Variants in HHLA2 observed in about 807,000 individuals in gnomAD.
HHLA2 encodes HERV-H LTR-associating protein 2.
A neutral mutation model predicts 45.9 loss-of-function variants in HHLA2; 48 were observed. The ratio of observed to expected loss-of-function variants is 1.05; its 90% CI spans 0.83 to 1.33. HHLA2 has a LOEUF of 1.33. Among genes scored for constraint, HHLA2 ranks in the 40% most tolerant of loss-of-function variants. The pLI, the probability that HHLA2 is intolerant of heterozygous loss-of-function variation, is 0.00. For synonymous variants in HHLA2, 161 were observed against 173.9 expected, an observed-to-expected ratio of 0.93 and a Z score of 0.59; for missense variants, 462 against 494.3, an observed-to-expected ratio of 0.93 and a Z score of 0.62.
At chr3:108,371,956 C>G (rs2082183457) in intron 8 of HHLA2, among the ~76,000 whole-genome samples, 1 of 152,212 alleles carries the variant, frequency 6.6e-6, no homozygotes, top group Non-Finnish European at 1.5e-5. Context: ...GAATTGAACT[C>G]AGCTCTGCAC....
intron 8 of HHLA2, among the ~76,000 whole-genome samples, chr3:108,374,631 A>G (rs1331086540): frequency 6.6e-6 from 1 of 151,798 alleles, no homozygotes; most frequent in South Asian, 2.1e-4. Context: ...ACAAATTTAC[A>G]AGAAAAAAAC....
chr3:108,314,107 G>T (rs1188660109), intron 2 of HHLA2, among the ~76,000 whole-genome samples: 1 of 151,924 alleles, frequency 6.6e-6, no homozygotes, highest in East Asian at 1.9e-4. Context: ...CTTTACTTCT[G>T]CTGTGTGGAG....
At position 108,346,629 on chromosome 3, in the gene HHLA2, C is replaced by A. The variant is rs539215414; in HGVS notation, c.-26-5159C>A. On this transcript the variant is annotated intron_variant, in intron 3 of 10. Transcript: ENST00000619531. ...GTGGCTCTGGTCAGATTGAGACCAG[C>A]AGTTATGAGGCCAGGACTAGTCTTT... Among the ~76,000 whole-genome samples, 13 of 152,266 alleles carry A rather than the reference C, an allele frequency of 8.5e-5. No individual in the cohort carries two copies. The South Asian group carries it at 2.1e-3, about 24-fold the overall frequency.
intron 1 of HHLA2, among the ~76,000 whole-genome samples, chr3:108,308,686 CT>C (rs1351588225): frequency 2.0e-5 from 3 of 152,118 alleles, no homozygotes; most frequent in Admixed American, 6.5e-5. Flanking sequence ...TATTGCCTGT[CT>C]TTTGGATAGA....
chr3:108,309,323 A>G (rs1902524), intron 1 of HHLA2, among the ~76,000 whole-genome samples: 152,062 of 152,316 alleles, frequency 1, 75,904 homozygotes, highest in Middle Eastern at 1. Context: ...TACTGTACAT[A>G]TGTAGATTTT....
At chr3:108,317,459 C>T (rs527375185) in intron 2 of HHLA2, among the ~76,000 whole-genome samples, 1 of 152,248 alleles carries the variant, frequency 6.6e-6, no homozygotes, top group East Asian at 1.9e-4. Context: ...GATGTCCCAG[C>T]CCTTGAGGTT....
chr3:108,375,645 G>A (rs2082263157), intron 8 of HHLA2, 105 bp from the exon 8 acceptor site: 3 of 1,392,372 alleles, frequency 2.2e-6, no homozygotes, highest in Non-Finnish European at 1.9e-6. Flanking sequence ...AAGAACCAGA[G>A]AGTGACTTTC....
intron 2 of HHLA2, among the ~76,000 whole-genome samples, chr3:108,315,065 T>C (rs1348662644): frequency 1.3e-5 from 2 of 152,200 alleles, no homozygotes; most frequent in Non-Finnish European, 2.9e-5. Flanking sequence ...TTTTCCCAGA[T>C]GGGTGGGAAA....
At chr3:108,344,012 G>A (rs2081619269) in intron 3 of HHLA2, among the ~76,000 whole-genome samples, 1 of 152,134 alleles carries the variant, frequency 6.6e-6, no homozygotes. Flanking sequence ...TACTTCAGTG[G>A]AAGTCCTTAC....
intron 3 of HHLA2, among the ~76,000 whole-genome samples, chr3:108,336,626 G>T (rs988988916): frequency 1.3e-5 from 2 of 152,082 alleles, no homozygotes; most frequent in Non-Finnish European, 2.9e-5. Context: ...GCCTAGTAAG[G>T]GGAGATGCAA....
chr3:108,372,221 T>TGA (rs1372443053), intron 8 of HHLA2, among the ~76,000 whole-genome samples: 2 of 152,206 alleles, frequency 1.3e-5, no homozygotes, highest in African/African-American at 4.8e-5. Flanking sequence ...TGCTCCTGAA[T>TGA]GACGACTGGG....
chr3:108,330,452 G>C (rs1365945413), intron 3 of HHLA2, among the ~76,000 whole-genome samples: 1 of 152,108 alleles, frequency 6.6e-6, no homozygotes, highest in East Asian at 1.9e-4. Flanking sequence ...TCATAACAAA[G>C]GTAAAGGAAT....
intron 1 of HHLA2, 138 bp from the exon 2 acceptor site, chr3:108,310,517 T>C (rs1279858765): frequency 6.6e-6 from 1 of 152,652 alleles, no homozygotes; most frequent in African/African-American, 2.4e-5. Flanking sequence ...TCAAGAGAAA[T>C]GTTCATAGTA....
chr3:108,353,828 T>C (rs750213163), intron 5 of HHLA2, 48 bp downstream of exon 4: 10 of 1,393,228 alleles, frequency 7.2e-6, no homozygotes, highest in African/African-American at 1.4e-5. Context: ...CATCATTCCA[T>C]GTTATTAGTA....
intron 2 of HHLA2, among the ~76,000 whole-genome samples, chr3:108,327,853 G>A (rs1008935842): frequency 6.6e-6 from 1 of 152,164 alleles, no homozygotes; most frequent in African/African-American, 2.4e-5. Flanking sequence ...TGTTGTAGAG[G>A]CTGGGCATGG....
At position 108,347,456 on chromosome 3, in the gene HHLA2, T is replaced by C. The variant is rs139495219; in HGVS notation, c.-26-4332T>C. On this transcript the variant is annotated intron_variant, in intron 3 of 10. Transcript: ENST00000619531. ...TTTTGTGGGCTGCTGTGGGAAAGGA[T>C]TGGGGGACAGACAGGACCAGGAGTG... is the stretch of plus-strand genomic sequence containing the variant. 4.8e-3 allele frequency among the ~76,000 whole-genome samples: 736 copies of C among 152,164 alleles called. 8 individuals are homozygous for C. The highest frequency in any genetic ancestry group is 0.017 in the African/African-American group (702 of 41,524).
At chr3:108,306,736 A>G (rs1341710502) in intron 1 of HHLA2, among the ~76,000 whole-genome samples, 3 of 152,152 alleles carry the variant, frequency 2.0e-5, no homozygotes, top group Non-Finnish European at 4.4e-5. Flanking sequence ...TCATTTTGCC[A>G]GAAGTTTGTC....
At chr3:108,352,677 T>G (rs1340709363) in intron 4 of HHLA2, among the ~76,000 whole-genome samples, 1 of 152,254 alleles carries the variant, frequency 6.6e-6, no homozygotes, top group Non-Finnish European at 1.5e-5. Context: ...CTTATTCTGT[T>G]GATTTCATTT....
exon 9 of HHLA2, chr3:108,375,796 A>G: frequency 6.2e-7 from 1 of 1,610,582 alleles, no homozygotes. Flanking sequence ...ATGGAGCCCA[A>G]CAAGGTCAGC....
Sources: gnomAD v4.1 joint callset for allele counts (sites outside exome capture counted in the v4.1 genomes callset) on GRCh38, gnomAD v4.1.1 for gene constraint, MANE v1.5 for transcripts, NCBI Gene and HGNC (gene_info 2026-07-23, HGNC 2026-07-21) for gene names.